Variants in SGK3 observed in about 807,000 individuals in gnomAD.
SGK3 encodes the protein serum/glucocorticoid regulated kinase family member 3.
SGK3 carries 47 observed loss-of-function variants against 68.5 expected under a neutral mutation model. The ratio of observed to expected loss-of-function variants is 0.69; its 90% confidence interval spans 0.54 to 0.87. The LOEUF (loss-of-function observed/expected upper bound fraction) is 0.87. Among genes scored for constraint, SGK3 ranks in the 40% least tolerant of loss-of-function variants. The probability of loss-of-function intolerance (pLI) is 0.00; values close to 1 mark genes in which losing one functional copy is unlikely to be tolerated. For synonymous variants in SGK3, 181 were observed against 189.1 expected (o/e 0.96, Z 0.35); for missense variants, 479 against 575.5 (o/e 0.83, Z 1.72).
intron 2 of SGK3, among the ~76,000 whole-genome samples, chr8:66,795,801 A>G (rs551825104): frequency 6.6e-6 from 1 of 152,064 alleles, no homozygotes; most frequent in South Asian, 2.1e-4. Flanking sequence ...CACCCTATAA[A>G]AAATAGCACC....
chr8:66,839,164 A>G lies in SGK3; in HGVS notation c.742-839A>G, dbSNP rs182493834. Among the ~76,000 whole-genome samples, 3 of 152,172 alleles carry G rather than the reference A, an allele frequency of 2.0e-5. No homozygotes were observed. The East Asian group carries it at 5.8e-4, about 29-fold the overall frequency. ...CGAGGCCAGAAAGGAGCAGAGATGGAATTCACCAAGACTCAAGGAGAGATT... is the reference window on the plus strand; with the variant it reads ...CGAGGCCAGAAAGGAGCAGAGATGGGATTCACCAAGACTCAAGGAGAGATT... On this transcript the variant is annotated intron_variant, in intron 10 of 16. Transcript: ENST00000521198.
chr8:66,837,450 A>T (rs1809582902), intron 10 of SGK3, among the ~76,000 whole-genome samples: 1 of 152,130 alleles, frequency 6.6e-6, no homozygotes, highest in African/African-American at 2.4e-5. Flanking sequence ...GAAGATTGTA[A>T]AAAGAATGAT....
At chr8:66,833,464 A>G (rs1342282838) in intron 8 of SGK3, among the ~76,000 whole-genome samples, 1 of 152,198 alleles carries the variant, frequency 6.6e-6, no homozygotes. Context: ...CTTCTTCAAG[A>G]GACTATTCTT....
chr8:66,772,285 T>C (rs1806534993), intron 1 of SGK3, among the ~76,000 whole-genome samples: 1 of 149,290 alleles, frequency 6.7e-6, no homozygotes, highest in South Asian at 2.1e-4. Flanking sequence ...ACGGAGTCTC[T>C]CTGTATTGCT....
chr8:66,777,302 G>GTT (rs577527967), intron 1 of SGK3, among the ~76,000 whole-genome samples: 11 of 152,158 alleles, frequency 7.2e-5, no homozygotes, highest in Non-Finnish European at 1.6e-4. Flanking sequence ...ACATGAGAGC[G>GTT]TAAGTTCCAT....
At chr8:66,744,506 TATATATATATATA>T (rs1383686705) in intron 1 of SGK3, among the ~76,000 whole-genome samples, 1,377 of 32,332 alleles carry the variant, frequency 0.043, 49 homozygotes, top group African/African-American at 0.14. Flanking sequence ...TATATATATA[TATATATATATATA>T]TTTTTTTTTT....
At position 66,822,435 on chromosome 8, in the gene SGK3, T is replaced by C; in HGVS notation, c.393T>C (p.Asp131=). ...SPKHQSDPSE[D]EDERSSQKLH... is the part of the protein sequence containing the mutation. ...AACACCAGTCAGATCCATCTGAAGA[T>C]GAGGATGAAAGAAGTTCTCAGAAGG... The change falls in exon 6 of 17, where the codon GAT becomes GAC. Residue 131 remains aspartate, a synonymous_variant. Transcript: ENST00000521198. 6.2e-7 allele frequency: 1 copy of C among 1,611,774 alleles called. No homozygotes were observed. Among genetic ancestry groups the C allele is most frequent in the Middle Eastern group, 1.7e-4 (1 of 6,054 alleles).
chr8:66,804,518 TTGCAC>T, intron 4 of SGK3, 71 bp downstream of exon 4: 1 of 1,491,182 alleles, frequency 6.7e-7, no homozygotes. Flanking sequence ...AATGTATTCA[TTGCAC>T]TGTATAGCAG....
At chr8:66,774,296 T>C (rs1806611663) in intron 1 of SGK3, among the ~76,000 whole-genome samples, 1 of 152,116 alleles carries the variant, frequency 6.6e-6, no homozygotes, top group South Asian at 2.1e-4. Context: ...GCTGGCAAAG[T>C]GAGCCCTTTG....
chr8:66,762,964 CAG>C (rs1199334396), intron 1 of SGK3, among the ~76,000 whole-genome samples: 1 of 152,244 alleles, frequency 6.6e-6, no homozygotes, highest in East Asian at 1.9e-4. Flanking sequence ...GTTTTTCCAT[CAG>C]GAGGCATAAA....
chr8:66,753,902 A>G (rs1805901928), intron 1 of SGK3, among the ~76,000 whole-genome samples: 1 of 152,286 alleles, frequency 6.6e-6, no homozygotes, highest in East Asian at 1.9e-4. Context: ...TTGAATTCCA[A>G]TCCACGTTCT....
At chr8:66,804,638 C>T (rs766265002) in intron 4 of SGK3, among the ~76,000 whole-genome samples, 191 bp downstream of exon 4, 18 of 152,152 alleles carry the variant, frequency 1.2e-4, no homozygotes, top group Non-Finnish European at 1.9e-4. Context: ...TTAATTCATT[C>T]GATCCTGACA....
intron 1 of SGK3, among the ~76,000 whole-genome samples, chr8:66,792,985 A>G (rs1341637137): frequency 6.6e-6 from 1 of 152,204 alleles, no homozygotes; most frequent in African/African-American, 2.4e-5. Flanking sequence ...AGGTGACATC[A>G]GTGTGACATC....
intron 1 of SGK3, among the ~76,000 whole-genome samples, chr8:66,715,252 T>G (rs1468038107): frequency 6.8e-6 from 1 of 147,796 alleles, no homozygotes; most frequent in Non-Finnish European, 1.5e-5. Flanking sequence ...TTGCTTTCTT[T>G]CTTTCTTTCT....
chr8:66,796,321 A>ATT (rs71249408), intron 2 of SGK3, among the ~76,000 whole-genome samples: 1,773 of 41,304 alleles, frequency 0.043, 499 homozygotes, highest in East Asian at 0.13. Context: ...TATTTTTTGT[A>ATT]TTTTTTTTTT....
intron 6 of SGK3, among the ~76,000 whole-genome samples, chr8:66,827,980 C>T (rs1302646516): frequency 4.0e-5 from 6 of 151,778 alleles, no homozygotes; most frequent in East Asian, 1.9e-4. Context: ...AAAAATTAGC[C>T]GGGTGTGGTG....
In SGK3 at chr8:66,762,048, G is replaced by A. The variant is rs147527506; in HGVS notation, c.-121-31568G>A. On this transcript the variant is annotated intron_variant, in intron 1 of 16. Transcript: ENST00000521198. ...TTTTTAGACTCTTTTTTTTTGAGAC[G>A]AAGTCTCGCTCTTGTCCCCCAGTGC... 7.9e-5 allele frequency among the ~76,000 whole-genome samples: 12 copies of A among 151,644 alleles called. No homozygotes were observed. The East Asian group carries it at 1.4e-3, about 17-fold the overall frequency.
intron 1 of SGK3, among the ~76,000 whole-genome samples, chr8:66,741,049 G>A (rs544010850): frequency 6.6e-6 from 1 of 151,710 alleles, no homozygotes; most frequent in South Asian, 2.1e-4. Flanking sequence ...ACCCACAATA[G>A]CTCTTTATTA....
At chr8:66,796,917 G>T (rs942739208) in intron 2 of SGK3, among the ~76,000 whole-genome samples, 2 of 149,814 alleles carry the variant, frequency 1.3e-5, no homozygotes, top group African/African-American at 4.9e-5. Flanking sequence ...TGAAATCTAA[G>T]GATTTCACAG....
Sources: allele counts gnomAD v4.1 joint callset (sites outside exome capture counted in the v4.1 genomes callset), GRCh38; gene constraint gnomAD v4.1.1; transcripts MANE v1.5; gene names NCBI Gene and HGNC (gene_info 2026-07-23, HGNC 2026-07-21).